ZBTB25: variants seen among roughly 807,000 people sequenced by gnomAD.
ZBTB25 encodes zinc finger and BTB domain-containing protein 25.
A neutral mutation model predicts 34.2 loss-of-function variants in ZBTB25; 20 were observed. The observed-to-expected ratio is 0.58, with a 90% CI of 0.41 to 0.85. The LOEUF is 0.85. ZBTB25 is among the 40% of genes least tolerant of loss of function. ZBTB25 has a pLI of 0.00. For synonymous variants in ZBTB25, 175 were observed against 186.4 expected (o/e 0.94, Z 0.50); for missense variants, 437 against 521.8 (o/e 0.84, Z 1.58).
At chr14:64,469,741 G>A in intron 2 of ZBTB25, 1 of 1,221,442 alleles carries the variant, frequency 8.2e-7, no homozygotes, top group Non-Finnish European at 1.1e-6. Context: ...ATACATTTGT[G>A]GCATTTCTTA....
chr14:64,484,970 T>A lies in ZBTB25; in HGVS notation c.*1953A>T. On this transcript the variant is annotated 3_prime_UTR_variant, in exon 3 of 3. Coordinates refer to ENST00000608382, the MANE Select transcript of ZBTB25 (RefSeq NM_006977.5). ...CCCAAAGAACATACATTTGTTTTAATTACTCCCAATACAATTGATCTTATC... is the reference window on the plus strand; with the variant it reads ...CCCAAAGAACATACATTTGTTTTAAATACTCCCAATACAATTGATCTTATC... 1.0e-6 allele frequency: 1 copy of A among 980,324 alleles called. No homozygotes were observed. The highest frequency in any genetic ancestry group is 4.7e-5 in the South Asian group (1 of 21,188). 60.7% of individuals were successfully genotyped at this position (980,324 alleles called of 1,614,324 possible).
intron 2 of ZBTB25, chr14:64,469,528 T>C: frequency 6.2e-7 from 1 of 1,613,926 alleles, no homozygotes; most frequent in Non-Finnish European, 8.5e-7. Context: ...CTAATGATAA[T>C]GGTTTTGAGG....
intron 1 of ZBTB25, among the ~76,000 whole-genome samples, chr14:64,492,139 AG>A (rs2079103389): frequency 7.2e-6 from 1 of 138,670 alleles, no homozygotes; most frequent in African/African-American, 2.6e-5. Context: ...AAAAAAAAAA[AG>A]GCAGACTCTA....
Position 64,480,461 on chromosome 14 carries a change from G to C in ZBTB25, c.*6462C>G. Reference sequence around the variant, plus strand: ...CAATTTTCGATTAACACAGATTATGGTCGGTAAGAATTAGGTCCACAAATG... The same window carrying C: ...CAATTTTCGATTAACACAGATTATGCTCGGTAAGAATTAGGTCCACAAATG... On this transcript the variant is annotated 3_prime_UTR_variant, in exon 3 of 3. Coordinates refer to ENST00000608382, the MANE Select transcript of ZBTB25 (RefSeq NM_006977.5). 1 of 338,976 alleles carries C rather than the reference G, an allele frequency of 3.0e-6. No homozygotes were observed. The highest frequency in any genetic ancestry group is 2.3e-5 in the South Asian group (1 of 42,976). The allele number at this position is 338,976 out of a possible 1,614,324, so 21.0% of individuals were successfully genotyped here.
In ZBTB25 at chr14:64,484,127, A is replaced by G. The variant is rs2078833283; in HGVS notation, c.*2796T>C. On this transcript the variant is annotated 3_prime_UTR_variant, in exon 3 of 3. Coordinates refer to ENST00000608382, the MANE Select transcript of ZBTB25 (RefSeq NM_006977.5). ...AACAGAATGAATGTTTTAAGGAACA[A>G]GGAAAGAGCATTTGCTTTGAATTTC... is the stretch of plus-strand genomic sequence containing the variant. 6.6e-6 allele frequency: 1 copy of G among 152,142 alleles called. No homozygotes were observed. Among genetic ancestry groups the G allele is most frequent in the Admixed American group, 6.5e-5 (1 of 15,282 alleles). 9.4% of individuals were successfully genotyped at this position (152,142 alleles called of 1,614,324 possible).
chr14:64,456,125 G>T (rs1328170143), intron 2 of ZBTB25, among the ~76,000 whole-genome samples: 1 of 152,212 alleles, frequency 6.6e-6, no homozygotes, highest in Non-Finnish European at 1.5e-5. Flanking sequence ...TGAAGAAAAG[G>T]GTAACAGTAG....
chr14:64,487,835 C>A lies in ZBTB25; in HGVS notation c.396G>T (p.Gln132His). The change falls in exon 3 of 3, where the codon CAG becomes CAT. Residue 132 changes from glutamine (Q) to histidine (H), a missense_variant. Coordinates refer to ENST00000608382, the MANE Select transcript of ZBTB25 (RefSeq NM_006977.5). Reference sequence around the variant, plus strand: ...CAACTGTTTTTTGGGTTGTTGAGATCTGAATGCCATATAAATTTGAGGACT... The same window carrying A: ...CAACTGTTTTTTGGGTTGTTGAGATATGAATGCCATATAAATTTGAGGACT... ...TVQSSNLYGIQISTTQKTVVK... is the reference protein window; with the variant it reads ...TVQSSNLYGIHISTTQKTVVK... 6.2e-7 allele frequency: 1 copy of A among 1,614,154 alleles called. No individual in the cohort carries two copies. Among genetic ancestry groups the A allele is most frequent in the Non-Finnish European group, 8.5e-7 (1 of 1,180,020 alleles).
At chr14:64,489,826 G>A (rs2079015807) in intron 2 of ZBTB25, among the ~76,000 whole-genome samples, 1 of 151,632 alleles carries the variant, frequency 6.6e-6, no homozygotes, top group Middle Eastern at 3.4e-3. Flanking sequence ...GAGCCATGGC[G>A]CCCAGCCAAT....
chr14:64,449,350 A>G, exon 3 of ZBTB25: 2 of 1,398,048 alleles, frequency 1.4e-6, no homozygotes, highest in South Asian at 2.3e-5. Flanking sequence ...TTCGTTTATC[A>G]GTGGGTAATT....
At chr14:64,465,470 G>T (rs961027776) in intron 2 of ZBTB25, 2 of 151,838 alleles carry the variant, frequency 1.3e-5, no homozygotes, top group Non-Finnish European at 2.9e-5. Context: ...CCGCGCGGTG[G>T]GGAGGGGGCG....
In ZBTB25 at chr14:64,454,836, C is replaced by G. The variant is rs371245049; in HGVS notation, c.174-5198G>C. On this transcript the variant is annotated intron_variant, in intron 2 of 2. Coordinates refer to the ZBTB25 transcript ENST00000555220. ...TTCTGCCCATTCGCGACATCCGCGCCAGCGTTGGGGCTGGTTTTCTGTACC... is the reference window on the plus strand; with the variant it reads ...TTCTGCCCATTCGCGACATCCGCGCGAGCGTTGGGGCTGGTTTTCTGTACC... The G allele has an allele frequency of 3.7e-6, 6 of 1,614,114 alleles. No homozygotes were observed. In the African/African-American group the frequency reaches 6.7e-5, roughly 18 times the overall value.
intron 2 of ZBTB25, among the ~76,000 whole-genome samples, chr14:64,466,269 G>C (rs975281474): frequency 6.6e-6 from 1 of 152,228 alleles, no homozygotes; most frequent in African/African-American, 2.4e-5. Flanking sequence ...ATTCTGCAAA[G>C]TTTTATTGTC....
At chr14:64,459,688 A>G in intron 2 of ZBTB25, 1 of 1,300,358 alleles carries the variant, frequency 7.7e-7, no homozygotes, top group Non-Finnish European at 1.0e-6. Flanking sequence ...GTAATGGTGC[A>G]GTATGGAAGG....
intron 2 of ZBTB25, chr14:64,472,978 T>A (rs1302757606): frequency 6.0e-6 from 1 of 167,202 alleles, no homozygotes; most frequent in East Asian, 1.9e-4. Flanking sequence ...CAAAATTCAG[T>A]TTCTCTTTGA....
intron 2 of ZBTB25, among the ~76,000 whole-genome samples, chr14:64,455,663 A>G (rs932698438): frequency 6.6e-6 from 1 of 152,240 alleles, no homozygotes; most frequent in Admixed American, 6.5e-5. Flanking sequence ...AAAAGAAACC[A>G]ACATACATCC....
At chr14:64,477,369 T>G (rs1005089683), downstream of ZBTB25, among the ~76,000 whole-genome samples, 23 of 152,256 alleles carry the variant, frequency 1.5e-4, no homozygotes, top group Middle Eastern at 3.4e-3. Flanking sequence ...AATAGTGAAA[T>G]AGGAGATATT....
intron 2 of ZBTB25, among the ~76,000 whole-genome samples, chr14:64,488,280 AAC>A (rs2078952501): frequency 6.6e-6 from 1 of 152,184 alleles, no homozygotes; most frequent in South Asian, 2.1e-4. Context: ...AAAGTTAGGA[AAC>A]ACAGACATAC....
intron 2 of ZBTB25, chr14:64,459,715 GTGCT>G (rs71123851): frequency 1 from 1,481,428 of 1,481,612 alleles, 740,622 homozygotes; most frequent in Middle Eastern, 1. Flanking sequence ...AAACATTTCA[GTGCT>G]TGCTTAGAGA....
downstream of ZBTB25, among the ~76,000 whole-genome samples, chr14:64,476,110 C>T (rs2078717093): frequency 6.6e-6 from 1 of 152,206 alleles, no homozygotes; most frequent in South Asian, 2.1e-4. Flanking sequence ...CAAATCCCTA[C>T]TCTGACAGGT....
Sources: allele counts gnomAD v4.1 joint callset (sites outside exome capture counted in the v4.1 genomes callset), GRCh38; gene constraint gnomAD v4.1.1; transcripts MANE v1.5; gene names NCBI Gene and HGNC (gene_info 2026-07-23, HGNC 2026-07-21).